The following BCLAF1 variants were observed in gnomAD, a reference collection of about 807,000 sequenced individuals.
The protein encoded by BCLAF1 is BCL2 associated transcription factor 1.
Under a neutral mutation model 99.5 loss-of-function variants are expected in BCLAF1, and 10 were observed. The observed-to-expected ratio is 0.10, with a 90% CI of 0.06 to 0.17. The LOEUF (loss-of-function observed/expected upper bound fraction) is 0.17, where lower values mean the gene tolerates loss of function less well. Among genes scored for constraint, BCLAF1 ranks in the 10% least tolerant of loss-of-function variants. BCLAF1 has a pLI of 1.00. For missense variants in BCLAF1, 636 were observed against 1,105.8 expected (o/e 0.58, Z 6.02); for synonymous variants, 255 against 370.9 (o/e 0.69, Z 3.59).
chr6:136,269,055 A>G (rs951709535), intron 9 of BCLAF1: 2 of 999,900 alleles, frequency 2.0e-6, no homozygotes, highest in Non-Finnish European at 2.5e-6. Flanking sequence ...ATGTTAAACC[A>G]CTAGATATCA....
chr6:136,286,865 G>A (rs1052452540), intron 1 of BCLAF1, among the ~76,000 whole-genome samples: 6 of 152,210 alleles, frequency 3.9e-5, no homozygotes, highest in African/African-American at 1.4e-4. Context: ...TTACTCTGGA[G>A]GCTGAGGCAG....
In BCLAF1 at chr6:136,276,007, T is replaced by C. The variant is rs745615319; in HGVS notation, c.1518A>G (p.Lys506=). The part of the protein sequence containing the change: ...SPEQVKSEKL[K]DLFDYSPPLH... ...GAGGGGGACTGTAATCAAAGAGGTC[T>C]TTGAGCTTTTCAGACTTTACCTGCT... is the stretch of plus-strand genomic sequence containing the variant. Residue 506 remains lysine (K), a synonymous_variant, in exon 5 of 13, where the codon AAA becomes AAG. Transcript: ENST00000531224. The C allele has an allele frequency of 6.2e-7, 1 of 1,611,124 alleles. No homozygotes were observed. Among genetic ancestry groups the C allele is most frequent in the South Asian group, 1.1e-5 (1 of 90,696 alleles).
In BCLAF1 at chr6:136,277,922, G is replaced by A. The variant is rs146790565; in HGVS notation, c.959C>T (p.Ser320Leu). ...APRDESRGRS[S>L]FYPDGGDQET... is the part of the protein sequence containing the mutation. ...CTGATCTCCACCATCAGGATAAAAC[G>A]AGGAACGGCCCCTAGACTCATCTCT... The change falls in exon 4 of 13, where the codon TCG becomes TTG. Residue 320 changes from serine to leucine, a missense_variant. By Grantham distance (145) the Ser-to-Leu change is moderately radical. Around this residue, in one of 9 missense-constraint regions of BCLAF1, gnomAD observed 186 missense variants for 275.3 expected, o/e 0.68. Coordinates refer to ENST00000531224, the MANE Select transcript of BCLAF1 (RefSeq NM_014739.3). The A allele has an allele frequency of 8.2e-6, 13 of 1,575,944 alleles. No individual in the cohort carries two copies. Among genetic ancestry groups the A allele is most frequent in the Middle Eastern group, 1.8e-4 (1 of 5,696 alleles).
chr6:136,275,809 A>T, intron 5 of BCLAF1, 34 bp downstream of exon 5: 1 of 1,590,892 alleles, frequency 6.3e-7, no homozygotes, highest in Non-Finnish European at 8.6e-7. Flanking sequence ...CTGACTGCCC[A>T]CAGATTATTT....
intron 1 of BCLAF1, among the ~76,000 whole-genome samples, chr6:136,285,156 T>A (rs547465330): frequency 1.3e-5 from 2 of 152,306 alleles, no homozygotes; most frequent in South Asian, 4.1e-4. Context: ...TGAGAAACCC[T>A]TGCAGGGTTT....
intron 2 of BCLAF1, among the ~76,000 whole-genome samples, 173 bp from the exon 3 acceptor site, chr6:136,280,049 C>T (rs2128486223): frequency 6.6e-6 from 1 of 152,318 alleles, no homozygotes; most frequent in East Asian, 1.9e-4. Context: ...CTGACTAAAA[C>T]TGTTTTCACC....
chr6:136,273,722 C>A lies in BCLAF1; in HGVS notation c.1853-535G>T, dbSNP rs147854540. Among the ~76,000 whole-genome samples the A allele has an allele frequency of 2.4e-3, 369 of 152,016 alleles. 1 individual carries two copies. Among genetic ancestry groups the A allele is most frequent in the African/African-American group, 7.8e-3 (322 of 41,516 alleles). On this transcript the variant is annotated intron_variant, in intron 6 of 12. Transcript: ENST00000531224. ...AAATATTTTTAAATCAATTAACATT[C>A]AATAATTACTCCAAAAATCTGGCAT...
intron 11 of BCLAF1, among the ~76,000 whole-genome samples, chr6:136,263,428 A>G (rs1781290856): frequency 1.3e-5 from 2 of 152,172 alleles, no homozygotes. Context: ...TGCCTTTCGT[A>G]GGGCATCCTG....
chr6:136,258,632 C>T lies in BCLAF1; in HGVS notation c.*2478G>A, dbSNP rs1156279929. ...TGGCGTATGACAATTTACAAGGGTC[C>T]CTGTTGCATCATTATACATCACACT... is the stretch of plus-strand genomic sequence containing the variant. On this transcript the variant is annotated 3_prime_UTR_variant, in exon 13 of 13. Transcript: ENST00000531224. 2 of 152,390 alleles carry T rather than the reference C, an allele frequency of 1.3e-5. No individual in the cohort carries two copies. Among genetic ancestry groups the T allele is most frequent in the African/African-American group, 2.4e-5 (1 of 41,418 alleles). 9.4% of individuals were successfully genotyped at this position (152,390 alleles called of 1,614,324 possible).
chr6:136,279,919 G>A, intron 2 of BCLAF1, 43 bp from the exon 3 acceptor site: 2 of 1,378,160 alleles, frequency 1.5e-6, no homozygotes, highest in Middle Eastern at 2.3e-4. Context: ...ATTACAATAT[G>A]ATATTTAAAA....
chr6:136,289,488 C>T (rs1187896835), intron 1 of BCLAF1, among the ~76,000 whole-genome samples: 2 of 152,120 alleles, frequency 1.3e-5, no homozygotes, highest in Admixed American at 1.3e-4. Flanking sequence ...CAAACACGCG[C>T]GCGCCCGCCG....
In BCLAF1 at chr6:136,259,312, ATTGTC is replaced by A. The variant is rs1298749370; in HGVS notation, c.*1793_*1797del. 1.3e-5 allele frequency: 2 copies of A among 152,112 alleles called. No individual in the cohort carries two copies. Among genetic ancestry groups the A allele is most frequent in the East Asian group, 3.9e-4 (2 of 5,182 alleles). The allele number at this position is 152,112 out of a possible 1,614,324, so 9.4% of individuals were successfully genotyped here. A position where few individuals can be genotyped will look rare whatever the true frequency, so the allele number is the denominator to read the frequency against. ...TAATTTCTCAGATCCCCTTTTACCTATTGTCTTAAGTGGATAAGCACATAGTCATG... is the reference window on the plus strand; with the variant it reads ...TAATTTCTCAGATCCCCTTTTACCTATTAAGTGGATAAGCACATAGTCATG... On this transcript the variant is annotated 3_prime_UTR_variant, in exon 13 of 13. Transcript: ENST00000531224.
chr6:136,273,277 GAAAATA>G (rs1221302664), intron 6 of BCLAF1, 90 bp from the exon 7 acceptor site: 3 of 1,122,542 alleles, frequency 2.7e-6, no homozygotes, highest in African/African-American at 1.6e-5. Context: ...CAGGTGAAAA[GAAAATA>G]AAAATAAGAA....
At chr6:136,270,338 T>C (rs1782339124) in intron 8 of BCLAF1, 1 of 151,878 alleles carries the variant, frequency 6.6e-6, no homozygotes, top group Non-Finnish European at 1.5e-5. Flanking sequence ...TCTTGTTCCA[T>C]TGCTTTTTCA....
intron 1 of BCLAF1, among the ~76,000 whole-genome samples, chr6:136,283,277 T>TA (rs1212465810): frequency 2.6e-5 from 4 of 152,046 alleles, no homozygotes; most frequent in African/African-American, 4.8e-5. Flanking sequence ...CTCTGCTACT[T>TA]ATTCTCTTTT....
chr6:136,272,099 T>C lies in BCLAF1; in HGVS notation c.1959-20A>G, dbSNP rs1782623615. ...ATTCTCCTTAATGTAAAATAAAATA[T>C]ATTTTTAGTCATATTATTAACTTTT... On this transcript the variant is annotated intron_variant, in intron 7 of 12. Transcript: ENST00000531224. 2 of 1,510,330 alleles carry C rather than the reference T, an allele frequency of 1.3e-6. No individual in the cohort carries two copies. Among genetic ancestry groups the C allele is most frequent in the African/African-American group, 1.4e-5 (1 of 71,046 alleles). The allele number at this position is 1,510,330 out of a possible 1,614,324, so 93.6% of individuals were successfully genotyped here.
At position 136,280,865 on chromosome 6, in the gene BCLAF1, T is replaced by C. The variant is rs557190112; in HGVS notation, c.-10-989A>G. 3.1e-4 allele frequency among the ~76,000 whole-genome samples: 47 copies of C among 152,292 alleles called. No homozygotes were observed. In the South Asian group the frequency reaches 9.1e-3, roughly 30 times the overall value. On this transcript the variant is annotated intron_variant, in intron 2 of 12. Transcript: ENST00000531224. ...TTGCTGCATAGAACTATTTCCAAAT[T>C]TACACTAACTTACTCAAAAAGTATT...
At chr6:136,265,311 T>G (rs968727598) in intron 11 of BCLAF1, among the ~76,000 whole-genome samples, 3 of 152,144 alleles carry the variant, frequency 2.0e-5, no homozygotes, top group Non-Finnish European at 2.9e-5. Context: ...GACAGCTCCA[T>G]TTCTCCCAGG....
chr6:136,283,924 T>C (rs1031418573), intron 1 of BCLAF1, among the ~76,000 whole-genome samples: 1 of 151,906 alleles, frequency 6.6e-6, no homozygotes, highest in African/African-American at 2.4e-5. Context: ...AGTTTAGTTT[T>C]TAAAATATCA....
Sources: gnomAD v4.1 joint callset for allele counts (sites outside exome capture counted in the v4.1 genomes callset) on GRCh38, gnomAD v4.1.1 for gene constraint, gnomAD v4.1.1 regional missense constraint, MANE v1.5 for transcripts, NCBI Gene and HGNC (gene_info 2026-07-23, HGNC 2026-07-21) for gene names.